The following TSHZ2 variants were observed in gnomAD, a reference collection of about 807,000 sequenced individuals.
TSHZ2 encodes the protein teashirt zinc finger homeobox 2, also known as teashirt homolog 2.
TSHZ2 carries 21 observed loss-of-function variants against 74.4 expected under a neutral mutation model. The ratio of observed to expected loss-of-function variants is 0.28; its 90% confidence interval spans 0.20 to 0.41. The LOEUF (loss-of-function observed/expected upper bound fraction) is 0.41, where lower values mean the gene tolerates loss of function less well. Among genes scored for constraint, TSHZ2 ranks in the 10% least tolerant of loss-of-function variants. The pLI, the probability that TSHZ2 is intolerant of heterozygous loss-of-function variation, is 1.00. For synonymous variants in TSHZ2, 540 were observed against 515.3 expected (o/e 1.05, Z -0.65); for missense variants, 1,244 against 1,293.5 (o/e 0.96, Z 0.59).
intron 1 of TSHZ2, among the ~76,000 whole-genome samples, chr20:53,150,080 C>T (rs1182900941): frequency 6.6e-6 from 1 of 152,192 alleles, no homozygotes; most frequent in East Asian, 1.9e-4. Flanking sequence ...ACTTATACAC[C>T]TCACTGTAAT....
intron 1 of TSHZ2, among the ~76,000 whole-genome samples, chr20:53,170,248 A>G (rs6022316): frequency 0.32 from 48,269 of 152,126 alleles, 8,853 homozygotes; most frequent in African/African-American, 0.51. Flanking sequence ...TGTAAACAGA[A>G]TCGCTGTTCC....
chr20:53,060,313 G>A (rs1366271408), intron 1 of TSHZ2, among the ~76,000 whole-genome samples: 1 of 152,288 alleles, frequency 6.6e-6, no homozygotes, highest in African/African-American at 2.4e-5. Context: ...AAATGGCAAA[G>A]GTCTATGGCA....
chr20:53,452,665 T>A (rs370599277), intron 2 of TSHZ2, among the ~76,000 whole-genome samples: 1 of 151,258 alleles, frequency 6.6e-6, no homozygotes, highest in Admixed American at 6.6e-5. Flanking sequence ...ACTGAGCCCA[T>A]TGACTTCACA....
rs550323714 is a variant in TSHZ2 at position 53,278,451 on chromosome 20, C to T, written c.*8+21880C>T. On this transcript the variant is annotated intron_variant, in intron 2 of 2. Coordinates refer to ENST00000371497, the MANE Select transcript of TSHZ2 (RefSeq NM_173485.6). ...TCCCATGTCACTTCCACTTCCATTTCCACAGGAGCCATGTCATTTGAAGTA... is the reference window on the plus strand; with the variant it reads ...TCCCATGTCACTTCCACTTCCATTTTCACAGGAGCCATGTCATTTGAAGTA... 2.3e-3 allele frequency among the ~76,000 whole-genome samples: 347 copies of T among 152,240 alleles called. 1 individual carries two copies. The highest frequency in any genetic ancestry group is 3.3e-3 in the South Asian group (16 of 4,816).
intron 1 of TSHZ2, among the ~76,000 whole-genome samples, chr20:53,140,447 G>A (rs911875937): frequency 2.7e-5 from 4 of 150,438 alleles, no homozygotes; most frequent in African/African-American, 9.9e-5. Flanking sequence ...GGCTGAGGCA[G>A]GAGAATGGCA....
chr20:53,451,670 A>C (rs1019040732), intron 2 of TSHZ2, among the ~76,000 whole-genome samples: 4 of 152,188 alleles, frequency 2.6e-5, no homozygotes, highest in African/African-American at 9.7e-5. Context: ...ACCAGCACAC[A>C]TGTAGACTAG....
intron 2 of TSHZ2, among the ~76,000 whole-genome samples, chr20:53,472,545 A>G (rs1301719911): frequency 6.6e-6 from 1 of 152,214 alleles, no homozygotes; most frequent in Non-Finnish European, 1.5e-5. Flanking sequence ...CCAAGATGCC[A>G]GCTGGATGTT....
chr20:53,212,991 C>T (rs770312008), intron 1 of TSHZ2, among the ~76,000 whole-genome samples: 1 of 151,998 alleles, frequency 6.6e-6, no homozygotes, highest in African/African-American at 2.4e-5. Flanking sequence ...GAGGGGGATC[C>T]ACTTCATAAG....
chr20:53,407,184 T>A (rs1229750597), intron 2 of TSHZ2, among the ~76,000 whole-genome samples: 1 of 152,204 alleles, frequency 6.6e-6, no homozygotes, highest in Non-Finnish European at 1.5e-5. Flanking sequence ...TTGAATTCCT[T>A]TCTTCTTGAT....
rs535281690 is a variant in TSHZ2 at position 53,030,795 on chromosome 20, C to A, written c.40+57462C>A. Among the ~76,000 whole-genome samples, 30 of 152,224 alleles carry A rather than the reference C, an allele frequency of 2.0e-4. 1 individual carries two copies. The South Asian group carries it at 5.0e-3, about 25-fold the overall frequency. On this transcript the variant is annotated intron_variant, in intron 1 of 2. Coordinates refer to ENST00000371497, the MANE Select transcript of TSHZ2 (RefSeq NM_173485.6). ...TCAAAAGCTTTTTCACATAGAGATG[C>A]GTAATGTAAACATTATAATCATATA... is the stretch of plus-strand genomic sequence containing the variant.
At chr20:53,329,440 A>T (rs758258696) in intron 2 of TSHZ2, among the ~76,000 whole-genome samples, 4 of 152,206 alleles carry the variant, frequency 2.6e-5, no homozygotes, top group Non-Finnish European at 5.9e-5. Flanking sequence ...GTGATCTAGC[A>T]TCGAAAACCA....
At chr20:53,351,371 A>C (rs1357047781) in intron 2 of TSHZ2, among the ~76,000 whole-genome samples, 1 of 152,206 alleles carries the variant, frequency 6.6e-6, no homozygotes, top group African/African-American at 2.4e-5. Context: ...TGTTTGATGA[A>C]ATACTGCAGT....
chr20:53,158,244 G>C (rs1342534508), intron 1 of TSHZ2, among the ~76,000 whole-genome samples: 1 of 152,196 alleles, frequency 6.6e-6, no homozygotes, highest in Non-Finnish European at 1.5e-5. Flanking sequence ...CCAGGGGGCA[G>C]ACTGTGCAGA....
At position 53,262,246 on chromosome 20, in the gene TSHZ2, A is replaced by G. The variant is rs1436751118; in HGVS notation, c.*8+5675A>G. On this transcript the variant is annotated intron_variant, in intron 2 of 2. Coordinates refer to ENST00000371497, the MANE Select transcript of TSHZ2 (RefSeq NM_173485.6). Reference sequence around the variant, plus strand: ...TTTCTTTTTTTAACTATCAAGTTTAAAGCTTTCCACGATGCTTTTTTCTAC... The same window carrying G: ...TTTCTTTTTTTAACTATCAAGTTTAGAGCTTTCCACGATGCTTTTTTCTAC... 2.6e-5 allele frequency among the ~76,000 whole-genome samples: 4 copies of G among 152,172 alleles called. No homozygotes were observed. The East Asian group carries it at 7.7e-4, about 29-fold the overall frequency.
intron 1 of TSHZ2, among the ~76,000 whole-genome samples, chr20:53,064,280 C>T (rs1984908198): frequency 6.6e-6 from 1 of 152,158 alleles, no homozygotes; most frequent in South Asian, 2.1e-4. Context: ...GAGTCACACA[C>T]ACCTGCCGCC....
At chr20:53,188,799 A>G (rs575469713) in intron 1 of TSHZ2, among the ~76,000 whole-genome samples, 2 of 152,238 alleles carry the variant, frequency 1.3e-5, no homozygotes, top group Non-Finnish European at 2.9e-5. Context: ...GCCTATATAT[A>G]TACGGTTCTT....
intron 1 of TSHZ2, among the ~76,000 whole-genome samples, chr20:53,108,351 T>G (rs557948864): frequency 2.6e-5 from 4 of 152,260 alleles, no homozygotes; most frequent in Non-Finnish European, 5.9e-5. Context: ...ATGTAAGTTA[T>G]GCACATGGAG....
At chr20:53,047,836 G>A (rs1432827424) in intron 1 of TSHZ2, among the ~76,000 whole-genome samples, 1 of 152,108 alleles carries the variant, frequency 6.6e-6, no homozygotes, top group East Asian at 1.9e-4. Context: ...TTCCATGCAT[G>A]GAGTGCATAC....
chr20:53,415,170 T>G (rs1568907313), intron 2 of TSHZ2, among the ~76,000 whole-genome samples: 1 of 152,228 alleles, frequency 6.6e-6, no homozygotes, highest in East Asian at 1.9e-4. Context: ...GCCTTTAACA[T>G]ACTCCATTAT....
Sources: allele counts gnomAD v4.1 joint callset (sites outside exome capture counted in the v4.1 genomes callset), GRCh38; gene constraint gnomAD v4.1.1; transcripts MANE v1.5; gene names NCBI Gene and HGNC (gene_info 2026-07-23, HGNC 2026-07-21).